Variants in CTNNA2 observed in about 807,000 individuals in gnomAD.
CTNNA2 encodes the protein catenin alpha-2.
A neutral mutation model predicts 101.0 loss-of-function variants in CTNNA2; 42 were observed. The observed-to-expected ratio is 0.42, with a 90% CI of 0.32 to 0.54. CTNNA2 has a LOEUF of 0.54. Ranked by LOEUF, CTNNA2 falls within the 20% of genes least tolerant of loss-of-function variation. The pLI, the probability that CTNNA2 is intolerant of heterozygous loss-of-function variation, is 0.14. For missense variants in CTNNA2, 871 were observed against 1,223.1 expected (o/e 0.71, Z 4.29); for synonymous variants, 450 against 456.4 (o/e 0.99, Z 0.18).
chr2:79,577,594 T>G (rs1675877477), intron 1 of CTNNA2, among the ~76,000 whole-genome samples: 1 of 152,246 alleles, frequency 6.6e-6, no homozygotes, highest in South Asian at 2.1e-4. Flanking sequence ...CTATCCATTC[T>G]AAATTTTTTT....
At chr2:79,218,050 T>C (rs1333940358) in intron 2 of CTNNA2, among the ~76,000 whole-genome samples, 1 of 152,206 alleles carries the variant, frequency 6.6e-6, no homozygotes, top group East Asian at 1.9e-4. Context: ...ACTTAAAGTG[T>C]TGCAATCCCA....
chr2:79,589,724 C>A (rs11896020), intron 1 of CTNNA2, among the ~76,000 whole-genome samples: 4 of 151,298 alleles, frequency 2.6e-5, no homozygotes, highest in Admixed American at 1.3e-4. Context: ...TTTTCCCCCC[C>A]CCGAGACACG....
chr2:79,763,055 T>G (rs908188224), intron 3 of CTNNA2, among the ~76,000 whole-genome samples: 4 of 152,238 alleles, frequency 2.6e-5, no homozygotes, highest in Non-Finnish European at 5.9e-5. Flanking sequence ...TTTATATCTT[T>G]CAGATACTTA....
chr2:80,433,111 C>T (rs1369422644), intron 9 of CTNNA2, among the ~76,000 whole-genome samples: 1 of 152,154 alleles, frequency 6.6e-6, no homozygotes, highest in African/African-American at 2.4e-5. Flanking sequence ...TCCCCACAAT[C>T]AAGTATCTCA....
At chr2:80,538,813 G>C (rs1015266339) in intron 9 of CTNNA2, among the ~76,000 whole-genome samples, 2 of 152,088 alleles carry the variant, frequency 1.3e-5, no homozygotes, top group Non-Finnish European at 2.9e-5. Context: ...AGTTACTTTG[G>C]GCAGTATGGC....
intron 7 of CTNNA2, chr2:80,304,983 T>A: frequency 6.1e-6 from 5 of 823,146 alleles, no homozygotes; most frequent in Non-Finnish European, 5.9e-6. Context: ...ACAAGATATT[T>A]CCAAGTGGGA....
At chr2:80,206,879 A>G (rs900664239) in intron 7 of CTNNA2, among the ~76,000 whole-genome samples, 2 of 152,238 alleles carry the variant, frequency 1.3e-5, no homozygotes, top group African/African-American at 2.4e-5. Context: ...GTATTAACAG[A>G]AGCTGGTCTG....
At chr2:79,819,003 G>A (rs1458850051) in intron 3 of CTNNA2, among the ~76,000 whole-genome samples, 17 of 144,984 alleles carry the variant, frequency 1.2e-4, no homozygotes, top group Non-Finnish European at 2.1e-4. Context: ...TAATTGAGAC[G>A]GAGTCTCACT....
chr2:79,486,694 G>A (rs1198912737), intron 4 of CTNNA2, among the ~76,000 whole-genome samples: 1 of 152,160 alleles, frequency 6.6e-6, no homozygotes, highest in Non-Finnish European at 1.5e-5. Flanking sequence ...CCCACCAACT[G>A]TGTAAAAATT....
At chr2:79,698,563 T>A (rs970013585) in intron 2 of CTNNA2, among the ~76,000 whole-genome samples, 1 of 152,132 alleles carries the variant, frequency 6.6e-6, no homozygotes, top group Admixed American at 6.6e-5. Context: ...ATTACAATGG[T>A]TAAACTAAGT....
In CTNNA2 at chr2:79,533,685, A is replaced by G. The variant is rs114589066; in HGVS notation, c.-6+20478A>G. 4.6e-3 allele frequency among the ~76,000 whole-genome samples: 694 copies of G among 152,248 alleles called. 3 individuals carry two copies. Among genetic ancestry groups the G allele is most frequent in the African/African-American group, 0.016 (652 of 41,542 alleles). On this transcript the variant is annotated intron_variant, in intron 1 of 18. Coordinates refer to ENST00000402739, the MANE Select transcript of CTNNA2 (RefSeq NM_001282597.3). Reference sequence around the variant, plus strand: ...GATCTAGAGGAGCACCTATTGTGGGATACTAGTCCTAAGGAATGCTTTATC... The same window carrying G: ...GATCTAGAGGAGCACCTATTGTGGGGTACTAGTCCTAAGGAATGCTTTATC...
At chr2:80,599,145 A>C (rs1697244795) in intron 15 of CTNNA2, among the ~76,000 whole-genome samples, 1 of 152,326 alleles carries the variant, frequency 6.6e-6, no homozygotes, top group South Asian at 2.1e-4. Flanking sequence ...TAATATTTCA[A>C]AATAAAAAGT....
chr2:79,610,437 A>T (rs1367949297), intron 1 of CTNNA2, among the ~76,000 whole-genome samples: 1 of 152,164 alleles, frequency 6.6e-6, no homozygotes, highest in Non-Finnish European at 1.5e-5. Flanking sequence ...TAGCTGCTTT[A>T]TTTATAATAG....
At chr2:79,897,192 G>A (rs984296199) in intron 6 of CTNNA2, among the ~76,000 whole-genome samples, 4 of 152,040 alleles carry the variant, frequency 2.6e-5, no homozygotes, top group Admixed American at 2.6e-4. Context: ...TACTAGGTAA[G>A]AGTCCAGCAT....
At chr2:79,323,879 T>C (rs1573077626) in intron 3 of CTNNA2, among the ~76,000 whole-genome samples, 1 of 152,178 alleles carries the variant, frequency 6.6e-6, no homozygotes, top group South Asian at 2.1e-4. Context: ...CTGGTCAGGA[T>C]GCCTGGAACA....
At chr2:80,464,799 T>G (rs1684722464) in intron 9 of CTNNA2, among the ~76,000 whole-genome samples, 1 of 152,096 alleles carries the variant, frequency 6.6e-6, no homozygotes, top group Admixed American at 6.6e-5. Flanking sequence ...AGGAAGGTAC[T>G]AGTACAAATC....
intron 7 of CTNNA2, among the ~76,000 whole-genome samples, chr2:80,287,290 C>G (rs953875204): frequency 6.6e-5 from 10 of 152,250 alleles, no homozygotes; most frequent in African/African-American, 2.4e-4. Flanking sequence ...ATTTTGGGTA[C>G]ATCAGAAAGA....
intron 7 of CTNNA2, among the ~76,000 whole-genome samples, chr2:80,043,051 CTT>C (rs1417335096): frequency 4.0e-5 from 1 of 24,836 alleles, no homozygotes; most frequent in East Asian, 7.3e-4. Flanking sequence ...TTCTTTCTTT[CTT>C]TCTTTCTTTC....
chr2:79,542,721 G>A (rs1673497634), intron 1 of CTNNA2, among the ~76,000 whole-genome samples: 2 of 152,134 alleles, frequency 1.3e-5, no homozygotes, highest in Admixed American at 1.3e-4. Flanking sequence ...ATAGAACAGA[G>A]CTGCTTTAAT....
Sources: allele counts gnomAD v4.1 joint callset (sites outside exome capture counted in the v4.1 genomes callset), GRCh38; gene constraint gnomAD v4.1.1; transcripts MANE v1.5; gene names NCBI Gene and HGNC (gene_info 2026-07-23, HGNC 2026-07-21).